FTCDNL1: variants seen among roughly 807,000 people sequenced by gnomAD.
FTCDNL1 encodes the protein formiminotransferase N-terminal subdomain-containing protein.
A neutral mutation model predicts 5.9 loss-of-function variants in FTCDNL1; 11 were observed. The observed-to-expected ratio is 1.87, with a 90% CI of 1.18 to 3.10. FTCDNL1 has a LOEUF of 3.10. FTCDNL1 is among the 30% of genes most tolerant of loss of function. The probability of loss-of-function intolerance (pLI) is 0.00; values close to 1 mark genes in which losing one functional copy is unlikely to be tolerated. For missense variants in FTCDNL1, 115 were observed against 65.5 expected, an observed-to-expected ratio of 1.76 and a Z score of -2.61; for synonymous variants, 58 against 24.8, an observed-to-expected ratio of 2.34 and a Z score of -3.99.
intron 3 of FTCDNL1, chr2:199,760,840 G>C (rs1574432357): frequency 2.8e-6 from 2 of 702,204 alleles, no homozygotes; most frequent in Non-Finnish European, 5.2e-6. Flanking sequence ...TGTCCACTGG[G>C]AATAAGGGAA....
At position 199,767,213 on chromosome 2, in the gene FTCDNL1, C is replaced by G. The variant is rs573201235; in HGVS notation, c.212-6378G>C. Among the ~76,000 whole-genome samples, 200 of 152,158 alleles carry G rather than the reference C, an allele frequency of 1.3e-3. 1 individual carries two copies. Among genetic ancestry groups the G allele is most frequent in the African/African-American group, 4.6e-3 (189 of 41,516 alleles). Reference sequence around the variant, plus strand: ...TGAAAAAACAGATTCTTTTCCATACCAGGTACCATGTTTCTCTGAGTATTT... The same window carrying G: ...TGAAAAAACAGATTCTTTTCCATACGAGGTACCATGTTTCTCTGAGTATTT... On this transcript the variant is annotated intron_variant, in intron 3 of 3. Transcript: ENST00000416668.
At chr2:199,786,166 CT>C (rs1295568251) in intron 3 of FTCDNL1, among the ~76,000 whole-genome samples, 1 of 151,900 alleles carries the variant, frequency 6.6e-6, no homozygotes, top group Non-Finnish European at 1.5e-5. Flanking sequence ...TTGAGGACCC[CT>C]GTCCTAAACA....
At chr2:199,731,161 G>A in the FTCDNL1 span, among the ~76,000 whole-genome samples, 1 of 152,176 alleles carries the variant, frequency 6.6e-6, no homozygotes, top group Non-Finnish European at 1.5e-5. Flanking sequence ...CATGGACACA[G>A]GGAGGGGAAC....
At chr2:199,727,902 A>G in the FTCDNL1 span, among the ~76,000 whole-genome samples, 3 of 151,950 alleles carry the variant, frequency 2.0e-5, no homozygotes, top group Admixed American at 6.6e-5. Context: ...TTCTTCACCC[A>G]CATACCCGTG....
At chr2:199,784,851 G>C (rs1483108971) in intron 3 of FTCDNL1, among the ~76,000 whole-genome samples, 5 of 152,202 alleles carry the variant, frequency 3.3e-5, no homozygotes, top group African/African-American at 1.2e-4. Context: ...GGGGCTTCTA[G>C]AAAAGTGGCC....
chr2:199,728,870 T>A, the FTCDNL1 span, among the ~76,000 whole-genome samples: 1 of 152,340 alleles, frequency 6.6e-6, no homozygotes, highest in African/African-American at 2.4e-5. Flanking sequence ...CATGATTGAT[T>A]AATATGTGCT....
the FTCDNL1 span, among the ~76,000 whole-genome samples, chr2:199,747,432 CCTGT>C: frequency 3.3e-5 from 5 of 152,188 alleles, no homozygotes; most frequent in African/African-American, 1.2e-4. Flanking sequence ...AGGCCTCGAG[CCTGT>C]CTGTGTTCAC....
chr2:199,744,275 C>A, the FTCDNL1 span, among the ~76,000 whole-genome samples: 1 of 152,150 alleles, frequency 6.6e-6, no homozygotes, highest in African/African-American at 2.4e-5. Context: ...GAAACCTGAA[C>A]CCTCAATGTG....
chr2:199,740,162 A>G, the FTCDNL1 span, among the ~76,000 whole-genome samples: 1 of 152,332 alleles, frequency 6.6e-6, no homozygotes, highest in Admixed American at 6.5e-5. Flanking sequence ...GCATGGAAAA[A>G]CAACTCGGTT....
chr2:199,784,280 C>G (rs1699524875), intron 3 of FTCDNL1, among the ~76,000 whole-genome samples: 1 of 152,142 alleles, frequency 6.6e-6, no homozygotes, highest in Non-Finnish European at 1.5e-5. Flanking sequence ...CACTCAAATG[C>G]CTGAGATACT....
intron 3 of FTCDNL1, among the ~76,000 whole-genome samples, chr2:199,780,003 G>T (rs1699284563): frequency 6.6e-6 from 1 of 152,190 alleles, no homozygotes; most frequent in Non-Finnish European, 1.5e-5. Flanking sequence ...CGTGCCGACA[G>T]CTAGCCCTGA....
the FTCDNL1 span, among the ~76,000 whole-genome samples, chr2:199,735,115 G>GAA: frequency 0.019 from 1,557 of 81,552 alleles, 71 homozygotes; most frequent in African/African-American, 0.066. Flanking sequence ...ACTACCTTTA[G>GAA]AAAAAAAAAA....
the FTCDNL1 span, among the ~76,000 whole-genome samples, chr2:199,707,815 A>C: frequency 6.6e-6 from 1 of 151,984 alleles, no homozygotes; most frequent in African/African-American, 2.4e-5. Context: ...GCAGTAATTT[A>C]TGTCTTTGTT....
the FTCDNL1 span, among the ~76,000 whole-genome samples, chr2:199,700,544 T>TCG: frequency 6.6e-6 from 1 of 152,154 alleles, no homozygotes; most frequent in South Asian, 2.1e-4. Context: ...GAAAAAACTA[T>TCG]TCTAAAATTA....
chr2:199,838,431 GA>G (rs550620734), intron 3 of FTCDNL1, among the ~76,000 whole-genome samples: 8 of 151,632 alleles, frequency 5.3e-5, no homozygotes, highest in Non-Finnish European at 1.2e-4. Flanking sequence ...AAACCCCCAG[GA>G]AAAAAAATGG....
the FTCDNL1 span, among the ~76,000 whole-genome samples, chr2:199,687,199 T>C: frequency 2.0e-5 from 3 of 152,230 alleles, no homozygotes; most frequent in African/African-American, 7.2e-5. Flanking sequence ...GAGTTTTTTT[T>C]CTAAAACCTT....
chr2:199,836,477 T>A (rs1702750599), intron 3 of FTCDNL1, among the ~76,000 whole-genome samples: 2 of 152,006 alleles, frequency 1.3e-5, no homozygotes, highest in Non-Finnish European at 2.9e-5. Flanking sequence ...CAGACACTTG[T>A]CAATATTTCA....
the FTCDNL1 span, among the ~76,000 whole-genome samples, chr2:199,697,154 C>T: frequency 6.6e-6 from 1 of 152,120 alleles, no homozygotes; most frequent in Non-Finnish European, 1.5e-5. Context: ...TGCCTGTAGT[C>T]CCAGCTACTC....
At chr2:199,775,343 T>G (rs1197859480) in intron 3 of FTCDNL1, among the ~76,000 whole-genome samples, 1 of 152,204 alleles carries the variant, frequency 6.6e-6, no homozygotes, top group Non-Finnish European at 1.5e-5. Context: ...CCCCACAGAC[T>G]TCTTGAGATG....
Sources: gnomAD v4.1 joint callset for allele counts (sites outside exome capture counted in the v4.1 genomes callset) on GRCh38, gnomAD v4.1.1 for gene constraint, MANE v1.5 for transcripts, NCBI Gene and HGNC (gene_info 2026-07-23, HGNC 2026-07-21) for gene names.